The following SLF1 variants were observed in gnomAD, a reference collection of about 807,000 sequenced individuals.
SLF1 encodes SMC5/6 complex localization factor 1.
Under a neutral mutation model 123.0 loss-of-function variants are expected in SLF1, and 105 were observed. The observed-to-expected ratio is 0.85, with a 90% CI of 0.73 to 1.00. SLF1 has a LOEUF of 1.00. Ranked by LOEUF, SLF1 falls within the 50% of genes least tolerant of loss-of-function variation. The probability of loss-of-function intolerance (pLI) is 0.00; values close to 1 mark genes in which losing one functional copy is unlikely to be tolerated. For missense variants in SLF1, 1,239 were observed against 1,223.0 expected (o/e 1.01, Z -0.20); for synonymous variants, 434 against 406.6 (o/e 1.07, Z -0.81).
chr5:94,678,993 C>A (rs1166524801), intron 15 of SLF1, 38 bp downstream of exon 15: 4 of 1,595,760 alleles, frequency 2.5e-6, no homozygotes, highest in Non-Finnish European at 3.4e-6. Flanking sequence ...CAGACCCATT[C>A]TGGAAATTAG....
At chr5:94,677,778 A>C (rs1751257198) in intron 14 of SLF1, among the ~76,000 whole-genome samples, 1 of 152,174 alleles carries the variant, frequency 6.6e-6, no homozygotes, top group African/African-American at 2.4e-5. Context: ...TCATCTTCAT[A>C]GTTTCTACTG....
intron 16 of SLF1, 110 bp downstream of exon 16, chr5:94,686,828 C>A: frequency 7.8e-7 from 1 of 1,281,584 alleles, no homozygotes; most frequent in Non-Finnish European, 1.0e-6. Flanking sequence ...TGCTCTGTCG[C>A]CCAGGCTGGA....
At chr5:94,625,603 G>A (rs895167101) in intron 1 of SLF1, among the ~76,000 whole-genome samples, 8 of 151,846 alleles carry the variant, frequency 5.3e-5, no homozygotes, top group Non-Finnish European at 1.0e-4. Context: ...GGCTGGTCTC[G>A]AACTCCTGAC....
Position 94,628,417 on chromosome 5 carries a change from G to A in SLF1, c.1-394G>A, listed in dbSNP as rs373884871. ...CTCCCAAAGTGCTGGGATTACAGGCGTGAGCCACTGCACCCAGCCCAACAA... is the reference window on the plus strand; with the variant it reads ...CTCCCAAAGTGCTGGGATTACAGGCATGAGCCACTGCACCCAGCCCAACAA... On this transcript the variant is annotated intron_variant, in intron 1 of 20. Coordinates refer to ENST00000265140, the MANE Select transcript of SLF1 (RefSeq NM_032290.4). Among the ~76,000 whole-genome samples the A allele has an allele frequency of 7.7e-4, 117 of 152,322 alleles. 2 individuals carry two copies. In the South Asian group the frequency reaches 0.023, roughly 30 times the overall value.
rs1477790830 is a variant in SLF1, at chr5:94,696,605, G to T, written c.*1293G>T. ...TTTAAATGCTTATAGAGAGTAAAGT[G>T]CTTCTCCAGATGATGAATAAGAACG... On this transcript the variant is annotated 3_prime_UTR_variant, in exon 21 of 21. Transcript: ENST00000265140. 6.6e-6 allele frequency: 1 copy of T among 151,752 alleles called. No homozygotes were observed. The highest frequency in any genetic ancestry group is 6.6e-5 in the Admixed American group (1 of 15,180). 9.4% of individuals were successfully genotyped at this position (151,752 alleles called of 1,614,324 possible). A position where few individuals can be genotyped will look rare whatever the true frequency, so the allele number is the denominator to read the frequency against.
intron 15 of SLF1, among the ~76,000 whole-genome samples, chr5:94,682,906 C>T (rs957425788): frequency 2.0e-5 from 3 of 152,166 alleles, no homozygotes; most frequent in African/African-American, 7.2e-5. Context: ...ACAGTCTCTC[C>T]CTGCCACTCA....
At chr5:94,629,044 G>C in intron 2 of SLF1, 48 bp from the exon 3 acceptor site, 1 of 1,477,154 alleles carries the variant, frequency 6.8e-7, no homozygotes, top group Non-Finnish European at 9.2e-7. Flanking sequence ...GTGTCATAAA[G>C]GGAGTCTTAC....
chr5:94,686,610 C>G lies in SLF1; in HGVS notation c.2013C>G (p.Ser671=). ...AGGAATTAGAGATTTTCATTTGCTCCTTTTCCTCCTCCTGGCTTCAAATGT... is the reference window on the plus strand; with the variant it reads ...AGGAATTAGAGATTTTCATTTGCTCGTTTTCCTCCTCCTGGCTTCAAATGT... ...SSQELEIFIC[S]FSSSWLQMFV... The change falls in exon 16 of 21, where the codon TCC becomes TCG. Residue 671 remains serine (S), a synonymous_variant. Transcript: ENST00000265140. 7 of 1,613,982 alleles carry G rather than the reference C, an allele frequency of 4.3e-6. No individual in the cohort carries two copies. The highest frequency in any genetic ancestry group is 5.9e-6 in the Non-Finnish European group (7 of 1,179,920).
intron 5 of SLF1, among the ~76,000 whole-genome samples, chr5:94,644,363 C>A (rs1351510064): frequency 2.6e-5 from 4 of 152,112 alleles, no homozygotes; most frequent in Middle Eastern, 3.2e-3. Context: ...CAACTTTGAT[C>A]CTGTCACTCA....
rs74531108 is a variant in SLF1 at position 94,637,383 on chromosome 5, A to G, written c.432-5890A>G. Among the ~76,000 whole-genome samples, 742 of 152,146 alleles carry G rather than the reference A, an allele frequency of 4.9e-3. 6 individuals are homozygous for G. The highest frequency in any genetic ancestry group is 0.014 in the Middle Eastern group (4 of 294). ...TGCTGGCTGGGCTCTGCTGTTAGAT[A>G]AAACCACTGGCTGAGCTCTGCAATC... On this transcript the variant is annotated intron_variant, in intron 4 of 20. Transcript: ENST00000265140.
At chr5:94,626,592 G>C (rs1023292650) in intron 1 of SLF1, among the ~76,000 whole-genome samples, 11 of 152,172 alleles carry the variant, frequency 7.2e-5, no homozygotes, top group Non-Finnish European at 1.0e-4. Context: ...TGAAATACCA[G>C]CTTTTTTATT....
chr5:94,639,578 T>C (rs1023965575), intron 4 of SLF1, among the ~76,000 whole-genome samples: 2 of 152,034 alleles, frequency 1.3e-5, no homozygotes, highest in African/African-American at 4.8e-5. Flanking sequence ...GGGATTGGAG[T>C]GCTGACCCCC....
intron 4 of SLF1, among the ~76,000 whole-genome samples, chr5:94,637,816 T>C (rs1209550802): frequency 6.6e-6 from 1 of 152,180 alleles, no homozygotes; most frequent in African/African-American, 2.4e-5. Flanking sequence ...TCTGCCGAAA[T>C]GCAGTGTGGC....
rs376084894 is a variant in SLF1, at chr5:94,685,749, C to T, written c.1976-824C>T. On this transcript the variant is annotated intron_variant, in intron 15 of 20. Coordinates refer to ENST00000265140, the MANE Select transcript of SLF1 (RefSeq NM_032290.4). ...ACTTGGGAGGCTGAGGCAGGAGAAT[C>T]GCTTGAACCTGGGAGGCGGAGGTTG... Among the ~76,000 whole-genome samples, 32 of 151,706 alleles carry T rather than the reference C, an allele frequency of 2.1e-4. 1 individual carries two copies. The highest frequency in any genetic ancestry group is 1.7e-3 in the East Asian group (9 of 5,148).
rs558119246 is a variant in SLF1, at chr5:94,663,291, A to G, written c.1210-459A>G. ...ATACATATCATCCTCTTTGAACTAC[A>G]TAGTCTCATCCAGCAGCAAGGCCAG... On this transcript the variant is annotated intron_variant, in intron 10 of 20. Coordinates refer to ENST00000265140, the MANE Select transcript of SLF1 (RefSeq NM_032290.4). Among the ~76,000 whole-genome samples, 79 of 152,366 alleles carry G rather than the reference A, an allele frequency of 5.2e-4. 1 individual carries two copies. In the South Asian group the frequency reaches 8.5e-3, roughly 16 times the overall value.
intron 6 of SLF1, among the ~76,000 whole-genome samples, chr5:94,649,937 A>T (rs1747489502): frequency 6.6e-6 from 1 of 152,214 alleles, no homozygotes; most frequent in Non-Finnish European, 1.5e-5. Context: ...CTGAGAGCAC[A>T]ATATATAATT....
At chr5:94,694,592 ATTAT>A (rs1223322824) in intron 20 of SLF1, among the ~76,000 whole-genome samples, 1 of 151,888 alleles carries the variant, frequency 6.6e-6, no homozygotes, top group Non-Finnish European at 1.5e-5. Context: ...AGTTGTATTT[ATTAT>A]TTATTTAACG....
chr5:94,693,857 A>G (rs1474810707), intron 20 of SLF1, among the ~76,000 whole-genome samples: 1 of 151,636 alleles, frequency 6.6e-6, no homozygotes. Context: ...TTCTTTCCAT[A>G]AATTATACAT....
chr5:94,621,070 T>G (rs1791742145), intron 1 of SLF1, among the ~76,000 whole-genome samples: 1 of 152,240 alleles, frequency 6.6e-6, no homozygotes. Context: ...AAATAATTTA[T>G]AATTATGTTT....
Sources: allele counts gnomAD v4.1 joint callset (sites outside exome capture counted in the v4.1 genomes callset), GRCh38; gene constraint gnomAD v4.1.1; transcripts MANE v1.5; gene names NCBI Gene and HGNC (gene_info 2026-07-23, HGNC 2026-07-21).